AQR: variants seen among roughly 807,000 people sequenced by gnomAD.
The protein encoded by AQR is RNA helicase aquarius.
Under a neutral mutation model 180.5 loss-of-function variants are expected in AQR, and 61 were observed. That is an observed-to-expected ratio of 0.34 (90% CI 0.28 to 0.42). The LOEUF is 0.42. AQR is among the 10% of genes least tolerant of loss of function. The probability of loss-of-function intolerance (pLI) is 1.00; values close to 1 mark genes in which losing one functional copy is unlikely to be tolerated. For missense variants in AQR, 1,281 were observed against 1,798.3 expected, an observed-to-expected ratio of 0.71 and a Z score of 5.20; for synonymous variants, 551 against 588.8, an observed-to-expected ratio of 0.94 and a Z score of 0.93.
At chr15:34,906,430 G>A in intron 18 of AQR, 115 bp downstream of exon 18, 1 of 1,242,102 alleles carries the variant, frequency 8.1e-7, no homozygotes, top group East Asian at 2.4e-5. Flanking sequence ...AATCCTTTGT[G>A]TCAATTTAGT....
intron 7 of AQR, among the ~76,000 whole-genome samples, 169 bp downstream of exon 7, chr15:34,941,843 T>C (rs1370890112): frequency 6.6e-6 from 1 of 152,176 alleles, no homozygotes; most frequent in Non-Finnish European, 1.5e-5. Flanking sequence ...CGAATGCATA[T>C]AAAAACTTTA....
intron 3 of AQR, among the ~76,000 whole-genome samples, chr15:34,959,336 G>C (rs1356693873): frequency 6.6e-6 from 1 of 151,984 alleles, no homozygotes; most frequent in Non-Finnish European, 1.5e-5. Flanking sequence ...CTAATTTTTT[G>C]TGTTTTTTCT....
At chr15:34,942,882 A>G (rs1894047486) in intron 6 of AQR, among the ~76,000 whole-genome samples, 1 of 152,220 alleles carries the variant, frequency 6.6e-6, no homozygotes, top group Admixed American at 6.5e-5. Context: ...CTGACTGCAT[A>G]TTTTAAAAGA....
intron 32 of AQR, among the ~76,000 whole-genome samples, chr15:34,864,432 T>C (rs1892714966): frequency 6.6e-6 from 1 of 152,282 alleles, no homozygotes; most frequent in Middle Eastern, 3.4e-3. Context: ...GAAGGAAATA[T>C]TATTTTCTAA....
intron 24 of AQR, among the ~76,000 whole-genome samples, chr15:34,888,349 T>C (rs960515343): frequency 6.6e-6 from 1 of 151,620 alleles, no homozygotes; most frequent in African/African-American, 2.4e-5. Context: ...AATTAAACTC[T>C]ACTATCTGCT....
chr15:34,878,201 A>G (rs1280098678), intron 27 of AQR, among the ~76,000 whole-genome samples: 3 of 152,102 alleles, frequency 2.0e-5, no homozygotes, highest in African/African-American at 7.2e-5. Flanking sequence ...CCTGGTCAAC[A>G]TGGTGAAACC....
chr15:34,890,083 G>T, intron 24 of AQR, 132 bp downstream of exon 24: 1 of 717,756 alleles, frequency 1.4e-6, no homozygotes, highest in Non-Finnish European at 2.2e-6. Context: ...TCAACATATA[G>T]TCTTAGTAAG....
At chr15:34,920,298 C>T in intron 14 of AQR, 34 bp downstream of exon 14, 23 of 1,504,978 alleles carry the variant, frequency 1.5e-5, no homozygotes, top group Non-Finnish European at 2.1e-5. Context: ...GCAAGGAAAA[C>T]CACATGCAAA....
chr15:34,871,964 A>G (rs2140462025), intron 30 of AQR, among the ~76,000 whole-genome samples: 1 of 152,158 alleles, frequency 6.6e-6, no homozygotes, highest in South Asian at 2.1e-4. Flanking sequence ...TTTAAAAAAA[A>G]AAAAAAAGGA....
At position 34,908,434 on chromosome 15, in the gene AQR, TA is replaced by T. The variant is rs777237681; in HGVS notation, c.1663+1700del. On this transcript the variant is annotated intron_variant, in intron 17 of 34. Transcript: ENST00000156471. Reference sequence around the variant, plus strand: ...CTGGGCGACAGAGTGAGACTCCGTCTAAAAAAAAAAAAAATGTATTATTGTT... The same window carrying T: ...CTGGGCGACAGAGTGAGACTCCGTCTAAAAAAAAAAAAATGTATTATTGTT... Among the ~76,000 whole-genome samples, 692 of 143,386 alleles carry T rather than the reference TA, an allele frequency of 4.8e-3. 1 individual carries two copies. The highest frequency in any genetic ancestry group is 5.2e-3 in the Non-Finnish European group (339 of 65,162). 94.1% of individuals were successfully genotyped at this position (143,386 alleles called of 152,430 possible).
At chr15:34,925,841 CAA>C (rs1315159778) in intron 13 of AQR, among the ~76,000 whole-genome samples, 2 of 145,960 alleles carry the variant, frequency 1.4e-5, no homozygotes, top group Non-Finnish European at 3.0e-5. Context: ...TCAAAAAAAA[CAA>C]AAAAAAAGAC....
intron 3 of AQR, among the ~76,000 whole-genome samples, chr15:34,957,250 G>A (rs55736201): frequency 3.9e-5 from 6 of 151,908 alleles, no homozygotes; most frequent in Non-Finnish European, 5.9e-5. Flanking sequence ...TCCACCTCCC[G>A]GGTTCAAGCG....
chr15:34,937,552 C>A (rs1893962330), intron 9 of AQR, among the ~76,000 whole-genome samples: 1 of 151,960 alleles, frequency 6.6e-6, no homozygotes, highest in Non-Finnish European at 1.5e-5. Flanking sequence ...ATATGGTATA[C>A]CTATAGAGCT....
chr15:34,932,276 G>A (rs1263168715), intron 11 of AQR, 42 bp downstream of exon 11: 1 of 1,515,548 alleles, frequency 6.6e-7, no homozygotes, highest in South Asian at 1.1e-5. Context: ...GATCAATTTA[G>A]AAAGTAAAAC....
intron 16 of AQR, among the ~76,000 whole-genome samples, chr15:34,912,109 C>G (rs1397318504): frequency 6.6e-6 from 1 of 152,066 alleles, no homozygotes; most frequent in East Asian, 1.9e-4. Context: ...TACTTCTGGG[C>G]TTTCTGTTCT....
chr15:34,947,115 T>A (rs1354248051), intron 5 of AQR, among the ~76,000 whole-genome samples: 1 of 152,102 alleles, frequency 6.6e-6, no homozygotes, highest in Admixed American at 6.5e-5. Flanking sequence ...GGTTGCCGTG[T>A]CTGTGTAGAA....
intron 27 of AQR, among the ~76,000 whole-genome samples, chr15:34,881,364 C>A (rs942769849): frequency 2.6e-5 from 4 of 152,176 alleles, no homozygotes; most frequent in African/African-American, 9.7e-5. Flanking sequence ...GCCTATCTTT[C>A]AGTGAGCTCA....
intron 32 of AQR, among the ~76,000 whole-genome samples, chr15:34,865,557 G>T (rs1446502541): frequency 1.3e-5 from 2 of 152,066 alleles, no homozygotes; most frequent in South Asian, 4.1e-4. Flanking sequence ...TCTACTCTTA[G>T]GTCTACATCC....
chr15:34,946,557 C>A (rs1894122386), intron 5 of AQR, among the ~76,000 whole-genome samples: 1 of 144,884 alleles, frequency 6.9e-6, no homozygotes, highest in African/African-American at 2.6e-5. Flanking sequence ...GCCTGGCCAG[C>A]CGCCCCGTCC....
Sources: gnomAD v4.1 joint callset for allele counts (sites outside exome capture counted in the v4.1 genomes callset) on GRCh38, gnomAD v4.1.1 for gene constraint, MANE v1.5 for transcripts, NCBI Gene and HGNC (gene_info 2026-07-23, HGNC 2026-07-21) for gene names.